Variants in RORA observed in about 807,000 individuals in gnomAD.
RORA encodes nuclear receptor ROR-alpha.
RORA carries 7 observed loss-of-function variants against 69.5 expected under a neutral mutation model. That is an observed-to-expected ratio of 0.10 (90% CI 0.06 to 0.19). The LOEUF (loss-of-function observed/expected upper bound fraction) is 0.19. Ranked by LOEUF, RORA falls within the 10% of genes least tolerant of loss-of-function variation. RORA has a pLI of 1.00. For missense variants in RORA, 457 were observed against 663.0 expected (o/e 0.69, Z 3.41); for synonymous variants, 261 against 240.8 (o/e 1.08, Z -0.78).
chr15:60,904,041 G>C (rs1347605727), intron 1 of RORA, among the ~76,000 whole-genome samples: 1 of 152,172 alleles, frequency 6.6e-6, no homozygotes, highest in Non-Finnish European at 1.5e-5. Flanking sequence ...GTCAGGAACA[G>C]CATTTGTTTT....
intron 1 of RORA, among the ~76,000 whole-genome samples, chr15:61,115,953 G>C (rs1418860410): frequency 6.6e-6 from 1 of 152,118 alleles, no homozygotes; most frequent in Non-Finnish European, 1.5e-5. Flanking sequence ...GTGTCTAGGG[G>C]ACAAGATGAA....
At chr15:61,160,842 T>C (rs2079488746) in intron 1 of RORA, among the ~76,000 whole-genome samples, 1 of 152,136 alleles carries the variant, frequency 6.6e-6, no homozygotes, top group African/African-American at 2.4e-5. Flanking sequence ...AAAATTCTTT[T>C]TATTTCTTCA....
rs930231321 is a variant in RORA, at chr15:60,492,331, A to C, written c.*5124T>G. The C allele has an allele frequency of 1.3e-5, 2 of 152,184 alleles. No homozygotes were observed. Among genetic ancestry groups the C allele is most frequent in the Non-Finnish European group, 2.9e-5 (2 of 68,024 alleles). The allele number at this position is 152,184 out of a possible 1,614,324, so 9.4% of individuals were successfully genotyped here. On this transcript the variant is annotated 3_prime_UTR_variant, in exon 11 of 11. Transcript: ENST00000335670. The stretch of plus-strand genomic sequence containing the variant: ...TTCAAAAATATAACATGTAACACTA[A>C]ATGTTGGCTCGAGTTGCTGCTGTCA...
intron 1 of RORA, among the ~76,000 whole-genome samples, chr15:60,729,091 C>G (rs1414412254): frequency 6.6e-6 from 1 of 152,046 alleles, no homozygotes; most frequent in Non-Finnish European, 1.5e-5. Context: ...TAGGAAAGGC[C>G]GAAGCTGATG....
intron 1 of RORA, among the ~76,000 whole-genome samples, chr15:60,999,593 CAT>C (rs1286342120): frequency 3.3e-5 from 5 of 152,214 alleles, no homozygotes; most frequent in African/African-American, 1.2e-4. Flanking sequence ...CTCTCCCACA[CAT>C]GTGCCCAAGC....
At position 60,666,350 on chromosome 15, in the gene RORA, T is replaced by TC. The variant is rs374391726; in HGVS notation, c.196+12306_196+12307insG. Among the ~76,000 whole-genome samples the TC allele has an allele frequency of 3.5e-3, 494 of 140,218 alleles. 5 individuals carry two copies. The highest frequency in any genetic ancestry group is 5.0e-3 in the Non-Finnish European group (323 of 64,928). The allele number at this position is 140,218 out of a possible 152,430, so 92.0% of individuals were successfully genotyped here. On this transcript the variant is annotated intron_variant, in intron 2 of 10. Transcript: ENST00000335670. ...GCATAGCTACTTAATTTCTTTCTTT[T>TC]TTTTTTTTTTTTTTTTGTAGATACC...
At chr15:60,726,467 C>T (rs1029425553) in intron 1 of RORA, among the ~76,000 whole-genome samples, 5 of 152,314 alleles carry the variant, frequency 3.3e-5, no homozygotes, top group African/African-American at 1.2e-4. Context: ...GCACAGGGCA[C>T]AAACAGAATT....
At chr15:61,050,480 A>T (rs1897241745) in intron 1 of RORA, among the ~76,000 whole-genome samples, 1 of 152,260 alleles carries the variant, frequency 6.6e-6, no homozygotes, top group Admixed American at 6.5e-5. Flanking sequence ...ACAATAAAGT[A>T]GAAGGACACT....
intron 1 of RORA, among the ~76,000 whole-genome samples, chr15:60,840,584 A>C (rs1191015051): frequency 6.6e-6 from 1 of 152,228 alleles, no homozygotes; most frequent in Non-Finnish European, 1.5e-5. Flanking sequence ...GAAAAGAATC[A>C]AGAGAGTGAG....
In RORA at chr15:60,531,667, C is replaced by G. The variant is rs2066529988; in HGVS notation, c.282+99G>C. On this transcript the variant is annotated intron_variant, in intron 3 of 10. Coordinates refer to ENST00000335670, the MANE Select transcript of RORA (RefSeq NM_134261.3). The surrounding 1 kb of genome is among the most constrained non-coding windows in gnomAD (Gnocchi z 4.8). ...CTGTAATTTCTTATCATTCAAAATT[C>G]TAAGGAGTTGAATTTTAAGACATAA... The G allele has an allele frequency of 1.5e-6, 1 of 654,346 alleles. No individual in the cohort carries two copies. Among genetic ancestry groups the G allele is most frequent in the Admixed American group, 3.7e-5 (1 of 27,182 alleles). 40.5% of individuals were successfully genotyped at this position (654,346 alleles called of 1,614,324 possible). A position where few individuals can be genotyped will look rare whatever the true frequency, so the allele number is the denominator to read the frequency against.
At chr15:61,119,483 T>C (rs2079083221) in intron 1 of RORA, among the ~76,000 whole-genome samples, 1 of 151,726 alleles carries the variant, frequency 6.6e-6, no homozygotes, top group Admixed American at 6.6e-5. Flanking sequence ...CATTTTATTT[T>C]TTCCCCCCAG....
intron 2 of RORA, among the ~76,000 whole-genome samples, chr15:60,619,708 T>C (rs1237435589): frequency 6.6e-6 from 1 of 152,222 alleles, no homozygotes; most frequent in African/African-American, 2.4e-5. Flanking sequence ...TAATGAGTCA[T>C]AATGTATTAT....
intron 1 of RORA, among the ~76,000 whole-genome samples, chr15:61,191,271 C>T (rs937864237): frequency 1.3e-5 from 2 of 151,420 alleles, no homozygotes; most frequent in African/African-American, 4.9e-5. Context: ...CAACTCTTGG[C>T]AGAGTACACA....
chr15:61,155,396 A>T (rs1433894544), intron 1 of RORA, among the ~76,000 whole-genome samples: 3 of 152,202 alleles, frequency 2.0e-5, no homozygotes, highest in Non-Finnish European at 4.4e-5. Flanking sequence ...CAGGCATATA[A>T]ATCTTAAATC....
intron 1 of RORA, among the ~76,000 whole-genome samples, chr15:61,058,057 G>A (rs1055233593): frequency 2.0e-5 from 3 of 152,162 alleles, no homozygotes; most frequent in South Asian, 2.1e-4. Context: ...CCCCTTACAG[G>A]CTTGAGTAGT....
At chr15:60,590,324 C>CCTA (rs1412182713) in intron 2 of RORA, among the ~76,000 whole-genome samples, 3 of 152,042 alleles carry the variant, frequency 2.0e-5, no homozygotes, top group Non-Finnish European at 4.4e-5. Flanking sequence ...GTGGGGGTAG[C>CCTA]GTGTGTGATT....
rs1430157166 is a variant in RORA, at chr15:60,491,500, A to G, written c.*5955T>C. On this transcript the variant is annotated 3_prime_UTR_variant, in exon 11 of 11. Transcript: ENST00000335670. Reference sequence around the variant, plus strand: ...AATATAAGACTCCATGTTATGTTGCATCACTGACAAAAGGTTGTTTCTATT... The same window carrying G: ...AATATAAGACTCCATGTTATGTTGCGTCACTGACAAAAGGTTGTTTCTATT... 1 of 152,088 alleles carries G rather than the reference A, an allele frequency of 6.6e-6. No individual in the cohort carries two copies. The highest frequency in any genetic ancestry group is 1.5e-5 in the Non-Finnish European group (1 of 68,014). 9.4% of individuals were successfully genotyped at this position (152,088 alleles called of 1,614,324 possible).
At chr15:60,617,615 G>A (rs2069280411) in intron 2 of RORA, among the ~76,000 whole-genome samples, 1 of 149,082 alleles carries the variant, frequency 6.7e-6, no homozygotes, top group African/African-American at 2.5e-5. Flanking sequence ...GGAAGAAAGA[G>A]TAAAGAAAAA....
intron 1 of RORA, among the ~76,000 whole-genome samples, chr15:60,874,832 C>T (rs1473830268): frequency 3.3e-5 from 5 of 152,162 alleles, no homozygotes; most frequent in Non-Finnish European, 7.3e-5. Flanking sequence ...TGCTTTTTCA[C>T]TAACTATAGG....
Sources: allele counts gnomAD v4.1 joint callset (sites outside exome capture counted in the v4.1 genomes callset), GRCh38; gene constraint gnomAD v4.1.1; non-coding constraint Gnocchi (gnomAD v3.1); transcripts MANE v1.5; gene names NCBI Gene and HGNC (gene_info 2026-07-23, HGNC 2026-07-21).